Variants in CCDC40 observed in about 807,000 individuals in gnomAD.
CCDC40 encodes the protein coiled-coil domain 40 molecular ruler complex subunit, also known as coiled-coil domain-containing protein 40.
Under a neutral mutation model 124.5 loss-of-function variants are expected in CCDC40, and 104 were observed. The observed-to-expected ratio is 0.84, with a 90% CI of 0.71 to 0.98. The LOEUF is 0.98. Ranked by LOEUF, CCDC40 falls within the 50% of genes least tolerant of loss-of-function variation. CCDC40 has a pLI of 0.00. For synonymous variants in CCDC40, 580 were observed against 602.9 expected (o/e 0.96, Z 0.56); for missense variants, 1,463 against 1,503.9 (o/e 0.97, Z 0.45).
intron 4 of CCDC40, chr17:80,048,277 A>G: frequency 2.5e-6 from 1 of 405,966 alleles, no homozygotes; most frequent in South Asian, 2.1e-5. Context: ...AAAATATTGT[A>G]TCCAATCCAC....
intron 7 of CCDC40, among the ~76,000 whole-genome samples, chr17:80,057,825 G>A (rs978647458): frequency 3.5e-4 from 53 of 151,424 alleles, no homozygotes; most frequent in Middle Eastern, 3.4e-3. Context: ...GCAGTGAGTC[G>A]AGATCGCGCC....
intron 18 of CCDC40, among the ~76,000 whole-genome samples, chr17:80,096,595 T>A (rs1339913389): frequency 7.1e-6 from 1 of 141,034 alleles, no homozygotes; most frequent in Admixed American, 7.0e-5. Context: ...TCCTGTCTGC[T>A]CCAAGCCACA....
chr17:80,055,054 G>T (rs1363522482), intron 7 of CCDC40, among the ~76,000 whole-genome samples: 1 of 152,014 alleles, frequency 6.6e-6, no homozygotes, highest in Non-Finnish European at 1.5e-5. Context: ...TGCCAAATGG[G>T]TATTTAATAA....
intron 10 of CCDC40, among the ~76,000 whole-genome samples, chr17:80,074,507 G>A (rs748594003): frequency 6.6e-6 from 1 of 152,022 alleles, no homozygotes; most frequent in Non-Finnish European, 1.5e-5. Context: ...GCACCTGGTG[G>A]GCATGCTAGC....
rs1280002987 is a variant in CCDC40, at chr17:80,087,998, C to G, written c.2620-13C>G. 6.3e-7 allele frequency: 1 copy of G among 1,596,344 alleles called. No homozygotes were observed. ...GCCCTCCCCACAGCTGTCCCGCCCC[C>G]TCCCCCATGCAGGCCTCTGAGAGGG... On this transcript the variant is annotated splice_polypyrimidine_tract_variant and intron_variant, in intron 15 of 19. Transcript: ENST00000397545. This position sits in a 1 kb window ranked among gnomAD's most constrained non-coding sequence, Gnocchi z 4.5.
At position 80,058,590 on chromosome 17, in the gene CCDC40, C is replaced by T; in HGVS notation, c.1256C>T (p.Thr419Ile). The T allele has an allele frequency of 1.2e-6, 2 of 1,614,172 alleles. No homozygotes were observed. ...QDMRDDIRVM[T>I]QVVKKAETER... is the part of the protein sequence containing the mutation. Reference sequence around the variant, plus strand: ...ATGCGTGACGACATCCGCGTGATGACACAAGTGGTAAAGAAGGCCGAGACG... The same window carrying T: ...ATGCGTGACGACATCCGCGTGATGATACAAGTGGTAAAGAAGGCCGAGACG... The change falls in exon 8 of 20, where the codon ACA (threonine) becomes ATA (isoleucine). Residue 419 changes from threonine (T) to isoleucine (I), a missense_variant. By Grantham distance (89) the Thr-to-Ile change is moderately conservative (BLOSUM62 -1). Coordinates refer to ENST00000397545, the MANE Select transcript of CCDC40 (RefSeq NM_017950.4). This position sits in a 1 kb window ranked among gnomAD's most constrained non-coding sequence, Gnocchi z 4.2.
intron 5 of CCDC40, 81 bp from the exon 6 acceptor site, chr17:80,049,825 C>A: frequency 3.3e-6 from 4 of 1,205,892 alleles, no homozygotes; most frequent in Non-Finnish European, 4.9e-6. Flanking sequence ...GGAGGGAGAC[C>A]TGTGGCCACC....
intron 1 of CCDC40, among the ~76,000 whole-genome samples, chr17:80,037,773 T>C (rs2037160727): frequency 6.8e-6 from 1 of 147,906 alleles, no homozygotes; most frequent in Admixed American, 7.0e-5. Flanking sequence ...ACACTTACTC[T>C]GATCGCGCTA....
chr17:80,070,708 G>A (rs1224267482), intron 10 of CCDC40, among the ~76,000 whole-genome samples: 1 of 152,156 alleles, frequency 6.6e-6, no homozygotes, highest in East Asian at 1.9e-4. Flanking sequence ...GGAGGTCGAG[G>A]CTGCAGTGAG....
chr17:80,099,487 G>A (rs772038376), intron 19 of CCDC40, 40 bp from the exon 20 acceptor site: 4 of 1,599,432 alleles, frequency 2.5e-6, no homozygotes, highest in Non-Finnish European at 3.4e-6. Context: ...TCTTTCTTCT[G>A]GTTTGCATAG....
chr17:80,068,313 G>A (rs906663222), intron 10 of CCDC40, among the ~76,000 whole-genome samples: 3 of 152,168 alleles, frequency 2.0e-5, no homozygotes, highest in East Asian at 1.9e-4. Context: ...GATTACAGGC[G>A]GGAGCCACTG....
At chr17:80,090,305 G>C (rs766901405) in intron 17 of CCDC40, 1 of 1,331,652 alleles carries the variant, frequency 7.5e-7, no homozygotes, top group South Asian at 1.6e-5. Flanking sequence ...GCAGGCACGT[G>C]CACGAACAAC....
intron 12 of CCDC40, among the ~76,000 whole-genome samples, chr17:80,084,382 G>C (rs561137475): frequency 8.5e-5 from 13 of 152,190 alleles, no homozygotes; most frequent in Admixed American, 6.5e-4. Context: ...CATGAGAACA[G>C]CATGGGGGTA....
At chr17:80,092,730 C>T (rs940266560) in intron 17 of CCDC40, among the ~76,000 whole-genome samples, 2 of 152,100 alleles carry the variant, frequency 1.3e-5, no homozygotes, top group African/African-American at 2.4e-5. Flanking sequence ...CCTGCCTGGG[C>T]CTCCCAAAGT....
At position 80,058,452 on chromosome 17, in the gene CCDC40, C is replaced by A; in HGVS notation, c.1160-42C>A. 6.3e-7 allele frequency: 1 copy of A among 1,597,952 alleles called. No homozygotes were observed. Among genetic ancestry groups the A allele is most frequent in the Non-Finnish European group, 8.6e-7 (1 of 1,168,264 alleles). ...CATGGGGGACGCTGGGACAGCCTCCCCACTCACTCTCTCTCTCTTTCTCCC... is the reference window on the plus strand; with the variant it reads ...CATGGGGGACGCTGGGACAGCCTCCACACTCACTCTCTCTCTCTTTCTCCC... On this transcript the variant is annotated intron_variant, in intron 7 of 19. Transcript: ENST00000397545. The surrounding 1 kb of genome is among the most constrained non-coding windows in gnomAD (Gnocchi z 4.2).
At chr17:80,090,250 A>G in intron 17 of CCDC40, 2 of 862,994 alleles carry the variant, frequency 2.3e-6, no homozygotes, top group South Asian at 2.1e-5. Context: ...TGCACGAACA[A>G]CACGGGACGC....
intron 10 of CCDC40, among the ~76,000 whole-genome samples, chr17:80,076,263 T>C (rs964741318): frequency 6.6e-6 from 1 of 151,670 alleles, no homozygotes. Context: ...GCAGGAAGAG[T>C]CAATCCATTG....
At chr17:80,040,353 A>G (rs1188873667) in intron 3 of CCDC40, 83 bp downstream of exon 3, 15 of 1,281,330 alleles carry the variant, frequency 1.2e-5, no homozygotes, top group Non-Finnish European at 8.8e-6. Context: ...TTGGGAATAC[A>G]TTATAAATAC....
At chr17:80,072,905 C>T (rs917647884) in intron 10 of CCDC40, among the ~76,000 whole-genome samples, 2 of 151,796 alleles carry the variant, frequency 1.3e-5, no homozygotes, top group African/African-American at 4.8e-5. Flanking sequence ...TGCATGGAGA[C>T]GTGTTTCCGT....
Sources: gnomAD v4.1 joint callset for allele counts (sites outside exome capture counted in the v4.1 genomes callset) on GRCh38, gnomAD v4.1.1 for gene constraint, Gnocchi (gnomAD v3.1) non-coding constraint, MANE v1.5 for transcripts, NCBI Gene and HGNC (gene_info 2026-07-23, HGNC 2026-07-21) for gene names.